PHLPP1: variants seen among roughly 807,000 people sequenced by gnomAD.
PHLPP1 encodes PH domain and leucine rich repeat protein phosphatase 1, also known as PH domain leucine-rich repeat-containing protein phosphatase 1.
PHLPP1 carries 42 observed loss-of-function variants against 117.2 expected under a neutral mutation model. That is an observed-to-expected ratio of 0.36 (90% CI 0.28 to 0.46). PHLPP1 has a LOEUF of 0.46. PHLPP1 is among the 20% of genes least tolerant of loss of function. The probability of loss-of-function intolerance (pLI) is 1.00; values close to 1 mark genes in which losing one functional copy is unlikely to be tolerated. For missense variants in PHLPP1, 2,084 were observed against 2,241.9 expected, an observed-to-expected ratio of 0.93 and a Z score of 1.42; for synonymous variants, 1,042 against 970.7, an observed-to-expected ratio of 1.07 and a Z score of -1.37.
Position 62,717,113 on chromosome 18 carries a change from G to T in PHLPP1, c.1430G>T (p.Gly477Val). 6.3e-7 allele frequency: 1 copy of T among 1,579,122 alleles called. No individual in the cohort carries two copies. The highest frequency in any genetic ancestry group is 1.2e-5 in the South Asian group (1 of 86,612). ...PPPTLYVQLHGETTRRLEAEE... is the reference protein window; with the variant it reads ...PPPTLYVQLHVETTRRLEAEE... The stretch of plus-strand genomic sequence containing the variant: ...CCCACCCTGTACGTGCAGCTCCACG[G>T]AGAGACCACCCGGCGCTTGGAGGCG... The change falls in exon 1 of 17, where the codon GGA (glycine) becomes GTA (valine). Residue 477 changes from glycine to valine, a missense_variant. Transcript: ENST00000262719.
intron 1 of PHLPP1, among the ~76,000 whole-genome samples, chr18:62,763,555 G>A (rs1912333115): frequency 6.6e-6 from 1 of 152,122 alleles, no homozygotes; most frequent in African/African-American, 2.4e-5. Flanking sequence ...GTTTTGGGAT[G>A]GAAGGAACTC....
At chr18:62,935,046 A>C (rs1210982557) in intron 10 of PHLPP1, among the ~76,000 whole-genome samples, 1 of 152,248 alleles carries the variant, frequency 6.6e-6, no homozygotes, top group African/African-American at 2.4e-5. Context: ...TTAGACAAGA[A>C]AAGATCAATT....
At chr18:62,773,829 G>A (rs1316031008) in intron 1 of PHLPP1, among the ~76,000 whole-genome samples, 1 of 152,186 alleles carries the variant, frequency 6.6e-6, no homozygotes, top group Non-Finnish European at 1.5e-5. Flanking sequence ...CCTGGAGGCT[G>A]GGAAGTCCAA....
intron 1 of PHLPP1, among the ~76,000 whole-genome samples, chr18:62,823,221 CA>C (rs1914516587): frequency 6.6e-6 from 1 of 152,020 alleles, no homozygotes; most frequent in Non-Finnish European, 1.5e-5. Context: ...AAAATACTCT[CA>C]AGAAAATAAA....
chr18:62,826,144 A>G, intron 1 of PHLPP1: 1 of 303,708 alleles, frequency 3.3e-6, no homozygotes, highest in Non-Finnish European at 6.6e-6. Context: ...ATGTCTGTGC[A>G]TATTTATTTA....
At chr18:62,858,661 G>A (rs1302827011) in intron 3 of PHLPP1, among the ~76,000 whole-genome samples, 1 of 152,140 alleles carries the variant, frequency 6.6e-6, no homozygotes, top group African/African-American at 2.4e-5. Context: ...GCTGGGTATG[G>A]TGGCTCATGC....
intron 1 of PHLPP1, among the ~76,000 whole-genome samples, chr18:62,719,285 T>C (rs1910847598): frequency 6.6e-6 from 1 of 152,244 alleles, no homozygotes; most frequent in African/African-American, 2.4e-5. Context: ...GTCTAATTGC[T>C]TATTTTGGCT....
At chr18:62,813,498 C>T (rs1414748636) in intron 1 of PHLPP1, among the ~76,000 whole-genome samples, 8 of 152,134 alleles carry the variant, frequency 5.3e-5, no homozygotes, top group Admixed American at 3.3e-4. Flanking sequence ...TTATGCCCCA[C>T]GTTTGCCTCA....
At chr18:62,743,733 G>A (rs912457646) in intron 1 of PHLPP1, among the ~76,000 whole-genome samples, 2 of 151,464 alleles carry the variant, frequency 1.3e-5, no homozygotes, top group African/African-American at 4.9e-5. Context: ...TTAATTTTAG[G>A]TTTCCCGCCT....
At chr18:62,733,979 T>C (rs1486405613) in intron 1 of PHLPP1, among the ~76,000 whole-genome samples, 1 of 152,238 alleles carries the variant, frequency 6.6e-6, no homozygotes, top group Admixed American at 6.5e-5. Flanking sequence ...ATTTGTATTA[T>C]AGTTTGTGAG....
intron 1 of PHLPP1, among the ~76,000 whole-genome samples, chr18:62,801,680 G>A (rs867542959): frequency 1.7e-4 from 26 of 152,154 alleles, no homozygotes; most frequent in African/African-American, 5.5e-4. Flanking sequence ...TCAAACTCCT[G>A]ACGTCAAGTG....
chr18:62,741,053 G>A (rs186352501), intron 1 of PHLPP1, among the ~76,000 whole-genome samples: 16 of 152,210 alleles, frequency 1.1e-4, no homozygotes, highest in South Asian at 4.1e-4. Flanking sequence ...TTATATTCCC[G>A]TAGCAAAGTT....
chr18:62,761,095 G>C (rs1303343725), intron 1 of PHLPP1, among the ~76,000 whole-genome samples: 1 of 151,828 alleles, frequency 6.6e-6, no homozygotes, highest in Non-Finnish European at 1.5e-5. Context: ...GAACTCCTGA[G>C]CTCAAGCAAT....
At position 62,978,378 on chromosome 18, in the gene PHLPP1, GTTC is replaced by G. The variant is rs1911261673; in HGVS notation, c.4105_4107del (p.Phe1369del). ...CCGTGCTCCTGACTCCCCAGGATGA[GTTC>G]TTCATCCTAGGCAGTAAGGGGTTGT... On this transcript the variant is annotated inframe_deletion, in exon 17 of 17. Coordinates refer to ENST00000262719, the MANE Select transcript of PHLPP1 (RefSeq NM_194449.4). The surrounding 1 kb of genome is among the most constrained non-coding windows in gnomAD (Gnocchi z 7.0). The G allele has an allele frequency of 6.2e-7, 1 of 1,610,760 alleles. No individual in the cohort carries two copies. The highest frequency in any genetic ancestry group is 1.7e-5 in the Admixed American group (1 of 59,842).
intron 1 of PHLPP1, among the ~76,000 whole-genome samples, chr18:62,821,167 C>T (rs1914443906): frequency 6.6e-6 from 1 of 152,170 alleles, no homozygotes; most frequent in Non-Finnish European, 1.5e-5. Context: ...TGCGTTGGCT[C>T]ACGCCTGTAA....
At chr18:62,768,165 T>A (rs921682886) in intron 1 of PHLPP1, among the ~76,000 whole-genome samples, 2 of 152,214 alleles carry the variant, frequency 1.3e-5, no homozygotes, top group Admixed American at 1.3e-4. Flanking sequence ...GTTAAAAGTT[T>A]GAGAACTGCA....
At chr18:62,717,636 C>T (rs116505562) in intron 1 of PHLPP1, among the ~76,000 whole-genome samples, 162 of 152,246 alleles carry the variant, frequency 1.1e-3, no homozygotes, top group African/African-American at 3.6e-3. Context: ...GAGCATAAGA[C>T]GGACAGAAGA....
chr18:62,923,847 A>G (rs1909546030), intron 10 of PHLPP1, among the ~76,000 whole-genome samples: 1 of 152,190 alleles, frequency 6.6e-6, no homozygotes, highest in African/African-American at 2.4e-5. Flanking sequence ...AAAATATTAA[A>G]GACAGTTTTT....
chr18:62,807,932 T>C (rs1913996898), intron 1 of PHLPP1, among the ~76,000 whole-genome samples: 1 of 152,174 alleles, frequency 6.6e-6, no homozygotes, highest in Non-Finnish European at 1.5e-5. Flanking sequence ...GTATAAACAC[T>C]GGACACTTAG....
Sources: allele counts gnomAD v4.1 joint callset (sites outside exome capture counted in the v4.1 genomes callset), GRCh38; gene constraint gnomAD v4.1.1; non-coding constraint Gnocchi (gnomAD v3.1); transcripts MANE v1.5; gene names NCBI Gene and HGNC (gene_info 2026-07-23, HGNC 2026-07-21).